SDK2: variants seen among roughly 807,000 people sequenced by gnomAD.
The protein encoded by SDK2 is protein sidekick-2.
In SDK2, 105 loss-of-function variants were observed where a neutral mutation model predicts 253.9. That is an observed-to-expected ratio of 0.41 (90% CI 0.35 to 0.49). The LOEUF (loss-of-function observed/expected upper bound fraction) is 0.49. Ranked by LOEUF, SDK2 falls within the 20% of genes least tolerant of loss-of-function variation. SDK2 has a pLI of 0.06. For missense variants in SDK2, 2,608 were observed against 3,003.0 expected (o/e 0.87, Z 3.07); for synonymous variants, 1,249 against 1,234.9 (o/e 1.01, Z -0.24).
intron 4 of SDK2, among the ~76,000 whole-genome samples, chr17:73,449,859 G>C (rs2063479399): frequency 6.6e-6 from 1 of 152,012 alleles, no homozygotes; most frequent in African/African-American, 2.4e-5. Context: ...GGAGGCAGAG[G>C]TTGCGGCCAG....
chr17:73,528,471 C>A (rs187601242), intron 1 of SDK2, among the ~76,000 whole-genome samples: 1 of 152,308 alleles, frequency 6.6e-6, no homozygotes, highest in Non-Finnish European at 1.5e-5. Flanking sequence ...AGCAGCGATG[C>A]AGTGAGGCTG....
rs549698347 is a variant in SDK2, at chr17:73,408,471, G to A, written c.2484+6173C>T. On this transcript the variant is annotated intron_variant, in intron 18 of 44. Transcript: ENST00000392650. ...GATCTCCTGACCTCGTGATCCACCT[G>A]CCTTGGCCTCCCAAAGTGTTGGGAT... Among the ~76,000 whole-genome samples the A allele has an allele frequency of 2.0e-5, 3 of 152,040 alleles. No homozygotes were observed. In the East Asian group the frequency reaches 5.8e-4, roughly 29 times the overall value.
chr17:73,364,325 G>A (rs2062666195), intron 38 of SDK2, among the ~76,000 whole-genome samples: 1 of 152,192 alleles, frequency 6.6e-6, no homozygotes, highest in Non-Finnish European at 1.5e-5. Flanking sequence ...GGGGCCCGGA[G>A]GAAGGGGTCA....
chr17:73,441,536 A>G (rs1224436333), intron 5 of SDK2, among the ~76,000 whole-genome samples: 1 of 152,232 alleles, frequency 6.6e-6, no homozygotes, highest in East Asian at 1.9e-4. Flanking sequence ...CACAGCCTGG[A>G]AGACTCTGTG....
At chr17:73,380,987 G>A (rs1320205154) in intron 33 of SDK2, 37 bp from the exon 34 acceptor site, 1 of 1,308,912 alleles carries the variant, frequency 7.6e-7, no homozygotes. Flanking sequence ...GGCGCAGAGG[G>A]AGACAGCAGA....
At chr17:73,483,743 ACGTT>A (rs2063753678) in intron 2 of SDK2, among the ~76,000 whole-genome samples, 1 of 132,184 alleles carries the variant, frequency 7.6e-6, no homozygotes, top group Non-Finnish European at 1.6e-5. Flanking sequence ...GGGTTTCACC[ACGTT>A]GGCCAGGCTG....
intron 1 of SDK2, among the ~76,000 whole-genome samples, chr17:73,606,433 G>A (rs1161944816): frequency 6.6e-6 from 1 of 152,184 alleles, no homozygotes; most frequent in Non-Finnish European, 1.5e-5. Flanking sequence ...AATGCTGGAA[G>A]GGGCTTTCAG....
chr17:73,373,888 T>TG (rs1206811956), intron 36 of SDK2, among the ~76,000 whole-genome samples: 9 of 148,576 alleles, frequency 6.1e-5, no homozygotes, highest in East Asian at 2.1e-4. Flanking sequence ...CTGCCTACCT[T>TG]GGCTTCCCAA....
intron 4 of SDK2, among the ~76,000 whole-genome samples, chr17:73,454,735 T>TCTGGAGG (rs370894414): frequency 6.6e-6 from 1 of 152,174 alleles, no homozygotes; most frequent in African/African-American, 2.4e-5. Context: ...TCTGGTTTTG[T>TCTGGAGG]CTGGAGGCTG....
At position 73,350,391 on chromosome 17, in the gene SDK2, G is replaced by A; in HGVS notation, c.5900-16C>T. The A allele has an allele frequency of 6.2e-7, 1 of 1,611,072 alleles. No individual in the cohort carries two copies. Among genetic ancestry groups the A allele is most frequent in the Non-Finnish European group, 8.5e-7 (1 of 1,178,556 alleles). On this transcript the variant is annotated splice_polypyrimidine_tract_variant and intron_variant, in intron 42 of 44. Coordinates refer to ENST00000392650, the MANE Select transcript of SDK2 (RefSeq NM_001144952.2). ...GCACTGTTCCCTGAAGTCGGCGGGA[G>A]ATTGACACCCTTTAGACTGTGTGGC...
At chr17:73,440,965 TC>T in intron 5 of SDK2, 42 bp from the exon 6 acceptor site, 1 of 1,406,736 alleles carries the variant, frequency 7.1e-7, no homozygotes, top group Non-Finnish European at 9.8e-7. Context: ...AGGCTGGAAA[TC>T]CTATCCCTGC....
chr17:73,527,611 AT>A (rs1206550399), intron 1 of SDK2, among the ~76,000 whole-genome samples: 1 of 152,176 alleles, frequency 6.6e-6, no homozygotes, highest in Non-Finnish European at 1.5e-5. Flanking sequence ...CCAGGGCTCT[AT>A]CCTAATGCCG....
At chr17:73,598,291 G>A (rs2045788511) in intron 1 of SDK2, among the ~76,000 whole-genome samples, 1 of 152,170 alleles carries the variant, frequency 6.6e-6, no homozygotes, top group Non-Finnish European at 1.5e-5. Context: ...GTTCCTAGAC[G>A]CTAACCCCCT....
At chr17:73,529,267 G>T (rs1429593711) in intron 1 of SDK2, among the ~76,000 whole-genome samples, 1 of 152,150 alleles carries the variant, frequency 6.6e-6, no homozygotes, top group Non-Finnish European at 1.5e-5. Context: ...GACCAGGCTG[G>T]AAAACAGAGA....
chr17:73,491,491 A>C (rs1466477993), intron 2 of SDK2, among the ~76,000 whole-genome samples: 1 of 150,036 alleles, frequency 6.7e-6, no homozygotes, highest in Admixed American at 6.6e-5. Flanking sequence ...TCCCACCTCA[A>C]CCTCTCAAGG....
At chr17:73,590,601 C>T (rs1421943185) in intron 1 of SDK2, among the ~76,000 whole-genome samples, 3 of 152,324 alleles carry the variant, frequency 2.0e-5, no homozygotes, top group East Asian at 1.9e-4. Flanking sequence ...GGGTGGCAGA[C>T]GCACCTGATT....
chr17:73,506,853 T>G (rs925436015), intron 2 of SDK2, among the ~76,000 whole-genome samples: 1 of 152,224 alleles, frequency 6.6e-6, no homozygotes, highest in Admixed American at 6.5e-5. Context: ...CTGCTCTTCC[T>G]TCTCCCCACC....
rs1385979453 is a variant in SDK2, at chr17:73,401,274, C to T, written c.2780-63G>A. 1.1e-5 allele frequency: 16 copies of T among 1,401,758 alleles called. No individual in the cohort carries two copies. In the East Asian group the frequency reaches 3.3e-4, roughly 29 times the overall value. 86.8% of individuals were successfully genotyped at this position (1,401,758 alleles called of 1,614,324 possible). The stretch of plus-strand genomic sequence containing the variant: ...GATCACAAGTTGGCCTGACCCACTA[C>T]TCCACTTCTCACTTCTCCACTAGGC... On this transcript the variant is annotated intron_variant, in intron 20 of 44. Coordinates refer to ENST00000392650, the MANE Select transcript of SDK2 (RefSeq NM_001144952.2).
intron 28 of SDK2, among the ~76,000 whole-genome samples, chr17:73,391,153 G>A (rs560446772): frequency 3.9e-5 from 6 of 152,346 alleles, no homozygotes; most frequent in Admixed American, 1.3e-4. Flanking sequence ...AAGGAACAGC[G>A]TCCGAGGTTT....
Sources: allele counts gnomAD v4.1 joint callset (sites outside exome capture counted in the v4.1 genomes callset), GRCh38; gene constraint gnomAD v4.1.1; transcripts MANE v1.5; gene names NCBI Gene and HGNC (gene_info 2026-07-23, HGNC 2026-07-21).